The following TAS1R1 variants were observed in gnomAD, a reference collection of about 807,000 sequenced individuals.
The protein encoded by TAS1R1 is taste receptor type 1 member 1.
A neutral mutation model predicts 45.8 loss-of-function variants in TAS1R1; 31 were observed. The observed-to-expected ratio is 0.68, with a 90% confidence interval of 0.51 to 0.91. The LOEUF is 0.91. Ranked by LOEUF, TAS1R1 falls within the 40% of genes least tolerant of loss-of-function variation. The pLI, the probability that TAS1R1 is intolerant of heterozygous loss-of-function variation, is 0.00. For synonymous variants in TAS1R1, 437 were observed against 448.4 expected, an observed-to-expected ratio of 0.97 and a Z score of 0.32; for missense variants, 1,051 against 1,063.9, an observed-to-expected ratio of 0.99 and a Z score of 0.17.
At chr1:6,563,570 G>A (rs1489920009) in intron 1 of TAS1R1, among the ~76,000 whole-genome samples, 2 of 152,118 alleles carry the variant, frequency 1.3e-5, no homozygotes, top group African/African-American at 4.8e-5. Context: ...AGTCTTTTGA[G>A]GGAATGGGGG....
intron 1 of TAS1R1, among the ~76,000 whole-genome samples, chr1:6,562,101 A>G (rs1639799844): frequency 6.6e-6 from 1 of 152,214 alleles, no homozygotes; most frequent in African/African-American, 2.4e-5. Context: ...ACATATGGCT[A>G]CTTGAGATAA....
chr1:6,572,706 G>A (rs1351963220), intron 2 of TAS1R1, among the ~76,000 whole-genome samples: 40 of 152,006 alleles, frequency 2.6e-4, no homozygotes, highest in Non-Finnish European at 4.4e-5. Context: ...CCCCGGAGCA[G>A]GCTTCGCCCT....
At chr1:6,567,335 C>T (rs1196180046) in intron 1 of TAS1R1, among the ~76,000 whole-genome samples, 3 of 151,842 alleles carry the variant, frequency 2.0e-5, no homozygotes, top group Admixed American at 1.3e-4. Context: ...CTGAGACGGG[C>T]GGATCATGAG....
chr1:6,566,695 G>A (rs11122095), intron 1 of TAS1R1, among the ~76,000 whole-genome samples: 142,384 of 152,232 alleles, frequency 0.94, 66,940 homozygotes, highest in Non-Finnish European at 0.98. Context: ...TCCCAGGTTC[G>A]CACCATTCTC....
At chr1:6,567,957 GACGGATAGCCACAGCTAGAA>G (rs1370733310) in intron 1 of TAS1R1, among the ~76,000 whole-genome samples, 4 of 152,142 alleles carry the variant, frequency 2.6e-5, no homozygotes, top group African/African-American at 9.7e-5. Context: ...TGGCTAGATT[GACGGATAGCCACAGCTAGAA>G]GTTGGTATTT....
intron 3 of TAS1R1, among the ~76,000 whole-genome samples, chr1:6,575,871 T>C (rs1162115166): frequency 6.6e-6 from 1 of 152,078 alleles, no homozygotes; most frequent in African/African-American, 2.4e-5. Context: ...TTTTTTTGTA[T>C]TTTGAGTAGA....
Position 6,579,649 on chromosome 1 carries a change from G to T in TAS1R1, c.*65G>T. 8.5e-6 allele frequency: 13 copies of T among 1,528,052 alleles called. No individual in the cohort carries two copies. Among genetic ancestry groups the T allele is most frequent in the Non-Finnish European group, 1.1e-5 (13 of 1,144,878 alleles). The allele number at this position is 1,528,052 out of a possible 1,614,324, so 94.7% of individuals were successfully genotyped here. A position where few individuals can be genotyped will look rare whatever the true frequency, so the allele number is the denominator to read the frequency against. On this transcript the variant is annotated 3_prime_UTR_variant, in exon 6 of 6. Coordinates refer to ENST00000333172, the MANE Select transcript of TAS1R1 (RefSeq NM_138697.4). The stretch of plus-strand genomic sequence containing the variant: ...CTGAGGGTCGAAGGTCGAGCAGGCC[G>T]GGGGTGTCCGGGAGGTCTTTGGGCA...
intron 1 of TAS1R1, among the ~76,000 whole-genome samples, chr1:6,565,009 G>A (rs904308993): frequency 3.3e-5 from 5 of 152,024 alleles, no homozygotes; most frequent in African/African-American, 9.7e-5. Flanking sequence ...GGGGGGAGGA[G>A]AAATAAGGGT....
rs747347537 is a variant in TAS1R1, at chr1:6,578,913, C to A, written c.1855C>A (p.Leu619Ile). ...LGSLAAGSGS[L>I]YGFFGEPTRP... ...CTCCCTGGCAGCAGGTAGTGGCAGC[C>A]TCTATGGCTTCTTTGGGGAACCCAC... Residue 619 changes from leucine to isoleucine, a missense_variant, in exon 6 of 6, where the codon CTC becomes ATC. Coordinates refer to ENST00000333172, the MANE Select transcript of TAS1R1 (RefSeq NM_138697.4). 1.7e-5 allele frequency: 27 copies of A among 1,612,980 alleles called. No individual in the cohort carries two copies. In the South Asian group the frequency reaches 2.2e-4, roughly 13 times the overall value.
chr1:6,558,630 G>C (rs1639726870), intron 1 of TAS1R1, among the ~76,000 whole-genome samples: 2 of 152,124 alleles, frequency 1.3e-5, no homozygotes, highest in South Asian at 4.2e-4. Context: ...TGAGGCACAA[G>C]AATCACTTGA....
chr1:6,558,036 G>GTTTTTTTTTTTTTTTTTTTTTTTT (rs779773064), intron 1 of TAS1R1, among the ~76,000 whole-genome samples: 1 of 140,820 alleles, frequency 7.1e-6, no homozygotes, highest in African/African-American at 2.8e-5. Flanking sequence ...GTAGTGGTTA[G>GTTTTTTTTTTTTTTTTTTTTTTTT]TTTTTGTTTT....
rs775675587 is a variant in TAS1R1 at position 6,579,217 on chromosome 1, GCA to G, written c.2162_2163del (p.Thr721ArgfsTer29). 2 of 1,614,198 alleles carry G rather than the reference GCA, an allele frequency of 1.2e-6. No individual in the cohort carries two copies. Among genetic ancestry groups the G allele is most frequent in the Non-Finnish European group, 1.7e-6 (2 of 1,180,040 alleles). On this transcript the variant is annotated frameshift_variant, in exon 6 of 6. Transcript: ENST00000333172. LOFTEE classifies it low-confidence loss of function (END_TRUNC). ...TTCCCCCATCTGGTGATGCTTGAGT[GCA>G]CAGAGACCAACTCCCTGGGCTTCAT...
chr1:6,566,492 A>G (rs531647624), intron 1 of TAS1R1, among the ~76,000 whole-genome samples: 6 of 152,190 alleles, frequency 3.9e-5, no homozygotes, highest in African/African-American at 1.4e-4. Context: ...GGGTGTTACA[A>G]GGAGAGTGTG....
chr1:6,576,966 G>A lies in TAS1R1; in HGVS notation c.1490G>A (p.Cys497Tyr), dbSNP rs1270242923. ...GKDNQVPKSV[C>Y]SSDCLEGHQR... ...TTCTTACAGGTGCCTAAGTCTGTGT[G>A]TTCCAGCGACTGTCTTGAAGGGCAC... The change falls in exon 5 of 6, where the codon TGT becomes TAT. Residue 497 changes from cysteine to tyrosine, a missense_variant. Physicochemically the swap from Cys to Tyr is radical, Grantham distance 194. Coordinates refer to ENST00000333172, the MANE Select transcript of TAS1R1 (RefSeq NM_138697.4). 1.9e-6 allele frequency: 3 copies of A among 1,614,148 alleles called. No individual in the cohort carries two copies. Among genetic ancestry groups the A allele is most frequent in the Non-Finnish European group, 2.5e-6 (3 of 1,180,052 alleles).
intron 5 of TAS1R1, among the ~76,000 whole-genome samples, chr1:6,577,639 A>G (rs1328517116): frequency 6.6e-6 from 1 of 151,878 alleles, no homozygotes; most frequent in Non-Finnish European, 1.5e-5. Context: ...AGCCTGACCA[A>G]CATGGTGAAA....
In TAS1R1 at chr1:6,579,206, G is replaced by A; in HGVS notation, c.2148G>A (p.Val716=). 6.2e-7 allele frequency: 1 copy of A among 1,614,200 alleles called. No individual in the cohort carries two copies. The highest frequency in any genetic ancestry group is 8.5e-7 in the Non-Finnish European group (1 of 1,180,038). The change falls in exon 6 of 6, where the codon GTG becomes GTA. Residue 716 remains valine, a synonymous_variant. Coordinates refer to ENST00000333172, the MANE Select transcript of TAS1R1 (RefSeq NM_138697.4). ...AATACCAGCGCTTCCCCCATCTGGTGATGCTTGAGTGCACAGAGACCAACT... is the reference window on the plus strand; with the variant it reads ...AATACCAGCGCTTCCCCCATCTGGTAATGCTTGAGTGCACAGAGACCAACT... ...AREYQRFPHL[V]MLECTETNSL...
chr1:6,555,657 C>T (rs1311908642), intron 1 of TAS1R1, 93 bp downstream of exon 1: 1 of 1,251,296 alleles, frequency 8.0e-7, no homozygotes, highest in Admixed American at 2.3e-5. Context: ...TTGCCTCTGC[C>T]TTTGCCCCTT....
At chr1:6,577,550 C>T (rs1194258140) in intron 5 of TAS1R1, among the ~76,000 whole-genome samples, 9 of 133,074 alleles carry the variant, frequency 6.8e-5, no homozygotes, top group South Asian at 2.4e-4. Flanking sequence ...GGAGGCCGGG[C>T]GCGGTGGCTC....
rs774835705 is a variant in TAS1R1, at chr1:6,574,867, GC to G, written c.738del (p.Phe247SerfsTer43). 7 of 1,614,130 alleles carry G rather than the reference GC, an allele frequency of 4.3e-6. No homozygotes were observed. In the Admixed American group the frequency reaches 8.3e-5, roughly 19 times the overall value. On this transcript the variant is annotated frameshift_variant, in exon 3 of 6. Transcript: ENST00000333172. LOFTEE classifies it high-confidence loss of function. This position sits in a 1 kb window ranked among gnomAD's most constrained non-coding sequence, Gnocchi z 4.3. Reference protein sequence around the residue: ...GICIAFKDIMPFSAQVGDERM... With the variant: ...GICIAFKDIMXFSAQVGDERM... Reference sequence around the variant, plus strand: ...TCTGCATTGCTTTCAAGGACATCATGCCCTTCTCTGCCCAGGTGGGCGATGA... The same window carrying G: ...TCTGCATTGCTTTCAAGGACATCATGCCTTCTCTGCCCAGGTGGGCGATGA...
Sources: allele counts gnomAD v4.1 joint callset (sites outside exome capture counted in the v4.1 genomes callset), GRCh38; gene constraint gnomAD v4.1.1; non-coding constraint Gnocchi (gnomAD v3.1); transcripts MANE v1.5; gene names NCBI Gene and HGNC (gene_info 2026-07-23, HGNC 2026-07-21).